KHNYN: variants seen among roughly 807,000 people sequenced by gnomAD.
KHNYN encodes protein KHNYN.
KHNYN carries 42 observed loss-of-function variants against 62.7 expected under a neutral mutation model. That is an observed-to-expected ratio of 0.67 (90% CI 0.52 to 0.87). The LOEUF is 0.87. Among genes scored for constraint, KHNYN ranks in the 40% least tolerant of loss-of-function variants. The pLI is 0.00. For missense variants in KHNYN, 829 were observed against 874.1 expected (o/e 0.95, Z 0.65); for synonymous variants, 347 against 345.6 (o/e 1.00, Z -0.04).
chr14:24,423,880 C>G, the KHNYN span, among the ~76,000 whole-genome samples: 10 of 152,322 alleles, frequency 6.6e-5, no homozygotes, highest in African/African-American at 2.4e-4. Context: ...GGACCACACA[C>G]CATCACCTGT....
rs758244174 is a variant in KHNYN at position 24,440,353 on chromosome 14, A to C, written c.*3068A>C. ...CGTGCACGTGGTTTGCTTCAAGGGCATGGGTCAGGATTCCTGCCAGGTCCC... is the reference window on the plus strand; with the variant it reads ...CGTGCACGTGGTTTGCTTCAAGGGCCTGGGTCAGGATTCCTGCCAGGTCCC... On this transcript the variant is annotated 3_prime_UTR_variant, in exon 8 of 8. Transcript: ENST00000553935. The C allele has an allele frequency of 1.9e-6, 3 of 1,613,908 alleles. No homozygotes were observed. In the African/African-American group the frequency reaches 4.0e-5, roughly 22 times the overall value.
chr14:24,423,754 C>T, the KHNYN span, among the ~76,000 whole-genome samples: 2 of 152,194 alleles, frequency 1.3e-5, no homozygotes, highest in African/African-American at 4.8e-5. Flanking sequence ...TTGAATCCTT[C>T]ATCAGTGGGA....
upstream of KHNYN, chr14:24,429,497 C>T: frequency 2.2e-6 from 1 of 458,064 alleles, no homozygotes; most frequent in Non-Finnish European, 4.2e-6. Flanking sequence ...CTCTTCCTCT[C>T]TTCAAAATCC....
At chr14:24,425,047 A>G (rs1479831996), upstream of KHNYN, among the ~76,000 whole-genome samples, 1 of 152,142 alleles carries the variant, frequency 6.6e-6, no homozygotes, top group Admixed American at 6.5e-5. Context: ...TAAAAATACA[A>G]AAAATTAGCT....
In KHNYN at chr14:24,431,614, C is replaced by T. The variant is rs777031978; in HGVS notation, c.353C>T (p.Ser118Leu). The T allele has an allele frequency of 1.9e-6, 3 of 1,613,318 alleles. No homozygotes were observed. In the South Asian group the frequency reaches 3.3e-5, roughly 18 times the overall value. Reference sequence around the variant, plus strand: ...CATCTGGTGCCCAGGGCGCCAGGCTCACTGATGATCAGTGGCCTGACTGAA... The same window carrying T: ...CATCTGGTGCCCAGGGCGCCAGGCTTACTGATGATCAGTGGCCTGACTGAA... ...SAHLVPRAPG[S>L]LMISGLTEAF... Residue 118 changes from serine to leucine, a missense_variant, in exon 3 of 8, where the codon TCA becomes TTA. By Grantham distance (145) the Ser-to-Leu change is moderately radical. Transcript: ENST00000553935.
Position 24,439,955 on chromosome 14 carries a change from G to A in KHNYN, c.*2670G>A. 1 of 719,340 alleles carries A rather than the reference G, an allele frequency of 1.4e-6. No homozygotes were observed. The highest frequency in any genetic ancestry group is 2.2e-6 in the Non-Finnish European group (1 of 446,522). 44.6% of individuals were successfully genotyped at this position (719,340 alleles called of 1,614,324 possible). Reference sequence around the variant, plus strand: ...CAATAAGGTGGAGCAACAGAACAATGGGAAAGAGGACTGGGAGAGGAATCT... The same window carrying A: ...CAATAAGGTGGAGCAACAGAACAATAGGAAAGAGGACTGGGAGAGGAATCT... On this transcript the variant is annotated 3_prime_UTR_variant, in exon 8 of 8. Coordinates refer to ENST00000553935, the MANE Select transcript of KHNYN (RefSeq NM_015299.3).
upstream of KHNYN, chr14:24,428,958 G>A (rs1332379760): frequency 6.4e-7 from 1 of 1,551,754 alleles, no homozygotes; most frequent in African/African-American, 1.4e-5. Flanking sequence ...GACCCCTCCT[G>A]GGCCCACCCG....
At chr14:24,428,729 C>G (rs1003740892), upstream of KHNYN, 2 of 1,548,974 alleles carry the variant, frequency 1.3e-6, no homozygotes, top group South Asian at 2.4e-5. Context: ...CTTTCCAGGT[C>G]CCCTGGACAG....
At chr14:24,428,199 G>A, upstream of KHNYN, 1 of 1,552,916 alleles carries the variant, frequency 6.4e-7, no homozygotes, top group Non-Finnish European at 8.7e-7. Context: ...CAGGTCAATG[G>A]AGAGTCCACC....
intron 1 of KHNYN, chr14:24,430,507 A>G (rs2043086937): frequency 7.2e-7 from 1 of 1,384,630 alleles, no homozygotes; most frequent in South Asian, 1.6e-5. Context: ...CTCGATAGAC[A>G]GCCTTGTTTA....
chr14:24,432,474 C>G lies in KHNYN; in HGVS notation c.1213C>G (p.Arg405Gly). ...GRGPQWKRGARGGNLVTGTQR... is the reference protein window; with the variant it reads ...GRGPQWKRGAGGGNLVTGTQR... ...GGGGCCTCAATGGAAACGAGGCGCC[C>G]GAGGGGGCAACTTGGTGACTGGCAC... is the stretch of plus-strand genomic sequence containing the variant. The change falls in exon 3 of 8, where the codon CGA becomes GGA. Residue 405 changes from arginine to glycine, a missense_variant. Arg to Gly is a moderately radical substitution (Grantham distance 125). Transcript: ENST00000553935. This position sits in a 1 kb window ranked among gnomAD's most constrained non-coding sequence, Gnocchi z 5.6. 1.9e-6 allele frequency: 3 copies of G among 1,613,538 alleles called. No homozygotes were observed. The South Asian group carries it at 3.3e-5, about 18-fold the overall frequency.
At chr14:24,428,264 TG>T (rs775671285), upstream of KHNYN, 35 of 1,612,332 alleles carry the variant, frequency 2.2e-5, no homozygotes, top group Non-Finnish European at 2.9e-5. Context: ...GAGCCGGGGA[TG>T]GGGGCCAGTG....
At chr14:24,428,073 G>A (rs2043040172), upstream of KHNYN, 1 of 1,419,294 alleles carries the variant, frequency 7.0e-7, no homozygotes, top group Admixed American at 1.9e-5. Context: ...TTGGGAAGCT[G>A]GGTTTTAATG....
In KHNYN at chr14:24,432,826, G is replaced by A. The variant is rs371301479; in HGVS notation, c.1454G>A (p.Arg485His). The A allele has an allele frequency of 1.6e-5, 26 of 1,614,078 alleles. No homozygotes were observed. The highest frequency in any genetic ancestry group is 2.0e-5 in the Non-Finnish European group (24 of 1,180,038). ...RDITVFVPQW[R>H]FSKDAKVRES... is the part of the protein sequence containing the mutation. ...ATAACTGTCTTTGTGCCTCAGTGGC[G>A]CTTCAGTAAGGATGCCAAAGTCAGA... The change falls in exon 4 of 8, where the codon CGC (arginine) becomes CAC (histidine). Residue 485 changes from arginine (R) to histidine (H), a missense_variant. Around this residue, in one of 2 missense-constraint regions of KHNYN, gnomAD observed 270 missense variants for 347.1 expected, o/e 0.78. Coordinates refer to ENST00000553935, the MANE Select transcript of KHNYN (RefSeq NM_015299.3). The surrounding 1 kb of genome is among the most constrained non-coding windows in gnomAD (Gnocchi z 5.6).
upstream of KHNYN, chr14:24,427,963 CCA>C (rs749636641): frequency 6.2e-7 from 1 of 1,613,662 alleles, no homozygotes; most frequent in African/African-American, 1.3e-5. The surrounding 1 kb of genome is among the most constrained non-coding windows in gnomAD (Gnocchi z 4.4). Context: ...AGATGACAGG[CCA>C]CGTGTTCAGC....
Position 24,437,117 on chromosome 14 carries a change from A to G in KHNYN, c.1869A>G (p.Glu623=), listed in dbSNP as rs769122919. 1 of 1,614,186 alleles carries G rather than the reference A, an allele frequency of 6.2e-7. No homozygotes were observed. The highest frequency in any genetic ancestry group is 8.5e-7 in the Non-Finnish European group (1 of 1,180,038). Residue 623 remains glutamate (E), a synonymous_variant, in exon 8 of 8, where the codon GAA becomes GAG. Transcript: ENST00000553935. The surrounding 1 kb of genome is among the most constrained non-coding windows in gnomAD (Gnocchi z 5.5). ...AACAGCAGCAGGGGAGAGAAGAGGAAAAAGGTAGTGGTGGCATTCGGAAGA... is the reference window on the plus strand; with the variant it reads ...AACAGCAGCAGGGGAGAGAAGAGGAGAAAGGTAGTGGTGGCATTCGGAAGA... ...HGKQQQGREE[E]KGSGGIRKTR...
At chr14:24,434,300 G>A (rs2043171824) in intron 5 of KHNYN, 1 of 985,354 alleles carries the variant, frequency 1.0e-6, no homozygotes, top group African/African-American at 1.7e-5. Flanking sequence ...CACAGCGTAG[G>A]CATACGGAAT....
In KHNYN at chr14:24,441,673, C is replaced by T. The variant is rs1192960289; in HGVS notation, c.*4388C>T. 1.3e-6 allele frequency: 2 copies of T among 1,581,964 alleles called. No individual in the cohort carries two copies. The highest frequency in any genetic ancestry group is 1.7e-6 in the Non-Finnish European group (2 of 1,170,650). The stretch of plus-strand genomic sequence containing the variant: ...AGGGGCTGGTGATTTGGGGGGCGTA[C>T]CTACACCTGTGACTAAGACCCAGGC... On this transcript the variant is annotated 3_prime_UTR_variant, in exon 8 of 8. Transcript: ENST00000553935.
In KHNYN at chr14:24,432,288, C is replaced by A; in HGVS notation, c.1027C>A (p.Leu343Ile). Residue 343 changes from leucine to isoleucine, a missense_variant, in exon 3 of 8, where the codon CTC becomes ATC. Physicochemically the swap from Leu to Ile is conservative, Grantham distance 5. Transcript: ENST00000553935. This position sits in a 1 kb window ranked among gnomAD's most constrained non-coding sequence, Gnocchi z 5.6. ...GGCAGCTCAGTCCCGAGGAGCCTCC[C>A]TCCTCCAGCGGCTCCACAATGGGAA... ...HRAAQSRGAS[L>I]LQRLHNGNAS... 3 of 1,613,952 alleles carry A rather than the reference C, an allele frequency of 1.9e-6. No individual in the cohort carries two copies. The highest frequency in any genetic ancestry group is 2.5e-6 in the Non-Finnish European group (3 of 1,179,890).
Sources: gnomAD v4.1 joint callset for allele counts (sites outside exome capture counted in the v4.1 genomes callset) on GRCh38, gnomAD v4.1.1 for gene constraint, gnomAD v4.1.1 regional missense constraint, Gnocchi (gnomAD v3.1) non-coding constraint, MANE v1.5 for transcripts, NCBI Gene and HGNC (gene_info 2026-07-23, HGNC 2026-07-21) for gene names.